UGT3A2: variants seen among roughly 807,000 people sequenced by gnomAD.
UGT3A2 encodes the protein UDP glycosyltransferase family 3 member A2.
Under a neutral mutation model 39.8 loss-of-function variants are expected in UGT3A2, and 32 were observed. That is an observed-to-expected ratio of 0.80 (90% CI 0.61 to 1.08). The LOEUF (loss-of-function observed/expected upper bound fraction) is 1.08. UGT3A2 is among the 50% of genes least tolerant of loss of function. UGT3A2 has a pLI of 0.00. For synonymous variants in UGT3A2, 241 were observed against 230.7 expected (o/e 1.04, Z -0.40); for missense variants, 611 against 637.1 (o/e 0.96, Z 0.44).
In UGT3A2 at chr5:36,035,944, GAC is replaced by G; in HGVS notation, c.1324_1325del (p.Val442HisfsTer18). 6.2e-7 allele frequency: 1 copy of G among 1,613,674 alleles called. No homozygotes were observed. Among genetic ancestry groups the G allele is most frequent in the Non-Finnish European group, 8.5e-7 (1 of 1,179,838 alleles). On this transcript the variant is annotated frameshift_variant, in exon 7 of 7. Transcript: ENST00000282507. LOFTEE classifies it low-confidence loss of function (END_TRUNC). ...GGCTGAGCGGGTGGGAGCGCAGGAT[GAC>G]ACTGGCAGCCACTGCCGCGGACTTG... ...RYKSAAVAASVILRSHPLSPT... is the reference protein window; with the variant it reads ...RYKSAAVAASXILRSHPLSPT...
Position 36,039,635 on chromosome 5 carries a change from G to C in UGT3A2, c.917C>G (p.Thr306Ser). 1 of 1,614,164 alleles carries C rather than the reference G, an allele frequency of 6.2e-7. No individual in the cohort carries two copies. The highest frequency in any genetic ancestry group is 8.5e-7 in the Non-Finnish European group (1 of 1,180,036). The change falls in exon 5 of 7, where the codon ACC becomes AGC. Residue 306 changes from threonine to serine, a missense_variant. By Grantham distance (58) the Thr-to-Ser change is moderately conservative. Transcript: ENST00000282507. ...CTTGAAGATTTCCGGATTCTGACAG[G>C]TGTTCACCATGGAGCCCAAGGTCAC... The part of the protein sequence containing the change: ...VLVTLGSMVN[T>S]CQNPEIFKEM...
chr5:36,066,780 G>C lies in UGT3A2; in HGVS notation c.10C>G (p.Gln4Glu). The C allele has an allele frequency of 1.2e-6, 2 of 1,614,216 alleles. No homozygotes were observed. Among genetic ancestry groups the C allele is most frequent in the Non-Finnish European group, 1.7e-6 (2 of 1,180,028 alleles). Residue 4 changes from glutamine to glutamate, a missense_variant, in exon 1 of 7, where the codon CAG becomes GAG. Coordinates refer to ENST00000282507, the MANE Select transcript of UGT3A2 (RefSeq NM_174914.4). The part of the protein sequence containing the change: MAG[Q>E]RVLLLVGFLL... ...AAGCCCACTAGAAGAAGCACTCGCT[G>C]CCCAGCCATGCTCACTTCTACGGAA... is the stretch of plus-strand genomic sequence containing the variant.
chr5:36,035,785 G>A lies in UGT3A2; in HGVS notation c.1485C>T (p.Leu495=), dbSNP rs1233471518. The A allele has an allele frequency of 1.9e-6, 3 of 1,614,080 alleles. No homozygotes were observed. In the East Asian group the frequency reaches 6.7e-5, roughly 36 times the overall value. ...LLDVFVFLLG[L]TLGTLWLCGK... ...CACAAAGCCATAGAGTCCCCAGAGT[G>A]AGCCCCAGCAGAAACACAAAAACGT... The change falls in exon 7 of 7, where the codon CTC becomes CTT. Residue 495 remains leucine, a synonymous_variant. Transcript: ENST00000282507.
At chr5:36,039,068 C>A (rs911259583) in intron 5 of UGT3A2, among the ~76,000 whole-genome samples, 1 of 152,182 alleles carries the variant, frequency 6.6e-6, no homozygotes, top group Non-Finnish European at 1.5e-5. Context: ...TTGTGTAAGT[C>A]CATGTGGTTG....
intron 2 of UGT3A2, among the ~76,000 whole-genome samples, chr5:36,053,386 T>A (rs1742409214): frequency 6.6e-6 from 1 of 152,224 alleles, no homozygotes. Context: ...AGGCCTTTTT[T>A]ACACTTTAAA....
chr5:36,043,271 C>T (rs1028978537), intron 4 of UGT3A2, among the ~76,000 whole-genome samples: 1 of 151,798 alleles, frequency 6.6e-6, no homozygotes, highest in African/African-American at 2.4e-5. Flanking sequence ...ACAATATGCT[C>T]CTGAATGACC....
chr5:36,039,397 G>T, intron 5 of UGT3A2, 80 bp downstream of exon 5: 2 of 1,380,814 alleles, frequency 1.4e-6, no homozygotes, highest in Non-Finnish European at 2.1e-6. Context: ...GGGTACAAAT[G>T]TCCAGCTAAA....
chr5:36,054,886 G>A (rs1474908317), intron 2 of UGT3A2, among the ~76,000 whole-genome samples: 1 of 152,144 alleles, frequency 6.6e-6, no homozygotes, highest in African/African-American at 2.4e-5. Context: ...TTACAGCTGA[G>A]TGGTTTGTCA....
intron 6 of UGT3A2, among the ~76,000 whole-genome samples, chr5:36,036,593 G>A (rs1211106082): frequency 6.6e-6 from 1 of 152,128 alleles, no homozygotes; most frequent in African/African-American, 2.4e-5. Context: ...GGTCATTTTG[G>A]GTCTAGGTCA....
At position 36,037,959 on chromosome 5, in the gene UGT3A2, G is replaced by A; in HGVS notation, c.1133C>T (p.Ala378Val). 1 of 1,613,970 alleles carries A rather than the reference G, an allele frequency of 6.2e-7. No homozygotes were observed. Among genetic ancestry groups the A allele is most frequent in the East Asian group, 2.2e-5 (1 of 44,880 alleles). The change falls in exon 6 of 7, where the codon GCC becomes GTC. Residue 378 changes from alanine to valine, a missense_variant. Ala to Val is a moderately conservative substitution (Grantham distance 64). Transcript: ENST00000282507. ...THGGQNSIMEAIQHGVPMVGI... is the reference protein window; with the variant it reads ...THGGQNSIMEVIQHGVPMVGI... ...CACCATGGGCACACCATGCTGGATG[G>A]CCTCCATTATGCTATTCTGCCCGCC...
intron 4 of UGT3A2, among the ~76,000 whole-genome samples, chr5:36,043,442 A>C (rs1742073523): frequency 6.6e-6 from 1 of 152,054 alleles, no homozygotes; most frequent in Non-Finnish European, 1.5e-5. Context: ...GACTTCATAT[A>C]AACAACCTAC....
chr5:36,057,705 T>A (rs1301246592), intron 2 of UGT3A2, among the ~76,000 whole-genome samples: 2 of 151,502 alleles, frequency 1.3e-5, no homozygotes, highest in Non-Finnish European at 2.9e-5. Flanking sequence ...CCAGCTAATG[T>A]TTTATTTTTA....
In UGT3A2 at chr5:36,037,979, C is replaced by A. The variant is rs996092106; in HGVS notation, c.1113G>T (p.Gly371=). ...PSIRLFVTHG[G]QNSIMEAIQH... ...GGATGGCCTCCATTATGCTATTCTGCCCGCCGTGGGTGACAAACAGACGGA... is the reference window on the plus strand; with the variant it reads ...GGATGGCCTCCATTATGCTATTCTGACCGCCGTGGGTGACAAACAGACGGA... The change falls in exon 6 of 7, where the codon GGG becomes GGT. Residue 371 remains glycine, a synonymous_variant. Transcript: ENST00000282507. 2 of 1,611,808 alleles carry A rather than the reference C, an allele frequency of 1.2e-6. No individual in the cohort carries two copies. Among genetic ancestry groups the A allele is most frequent in the Non-Finnish European group, 1.7e-6 (2 of 1,179,252 alleles).
At chr5:36,048,765 C>T (rs1742243927) in intron 4 of UGT3A2, 124 bp downstream of exon 4, 5 of 1,371,420 alleles carry the variant, frequency 3.6e-6, no homozygotes, top group East Asian at 4.7e-5. Flanking sequence ...TAAAAGCATG[C>T]CCTAGGTGCC....
chr5:36,062,024 G>T (rs1469301557), intron 2 of UGT3A2, among the ~76,000 whole-genome samples: 1 of 151,662 alleles, frequency 6.6e-6, no homozygotes, highest in Non-Finnish European at 1.5e-5. Context: ...GTGTTTTTTG[G>T]CTGCATAAAT....
chr5:36,053,122 C>T (rs1433621314), intron 2 of UGT3A2, among the ~76,000 whole-genome samples: 4 of 152,216 alleles, frequency 2.6e-5, no homozygotes, highest in African/African-American at 9.6e-5. Flanking sequence ...TCCAGGAGTA[C>T]AGATATAACA....
Position 36,035,738 on chromosome 5 carries a change from A to C in UGT3A2, c.1532T>G (p.Val511Gly). The change falls in exon 7 of 7, where the codon GTC (valine) becomes GGC (glycine). Residue 511 changes from valine (V) to glycine (G), a missense_variant. Coordinates refer to ENST00000282507, the MANE Select transcript of UGT3A2 (RefSeq NM_174914.4). Reference sequence around the variant, plus strand: ...CTTTCTGGCCCCACGCAGCCACCAGACAGCCATGCCCAGCAGCTTCCCACA... The same window carrying C: ...CTTTCTGGCCCCACGCAGCCACCAGCCAGCCATGCCCAGCAGCTTCCCACA... ...WLCGKLLGMA[V>G]WWLRGARKVK... 5.0e-6 allele frequency: 8 copies of C among 1,614,176 alleles called. No individual in the cohort carries two copies. Among genetic ancestry groups the C allele is most frequent in the South Asian group, 1.1e-5 (1 of 91,068 alleles).
At chr5:36,064,958 A>T (rs566853660) in intron 1 of UGT3A2, among the ~76,000 whole-genome samples, 1 of 152,296 alleles carries the variant, frequency 6.6e-6, no homozygotes, top group African/African-American at 2.4e-5. Context: ...ACAATGATCA[A>T]GTTCTAATTA....
intron 2 of UGT3A2, among the ~76,000 whole-genome samples, chr5:36,058,672 G>A (rs1742588637): frequency 6.6e-6 from 1 of 152,136 alleles, no homozygotes; most frequent in Non-Finnish European, 1.5e-5. Context: ...GAAGGGTTGT[G>A]GAAGCTCAGC....
Sources: gnomAD v4.1 joint callset for allele counts (sites outside exome capture counted in the v4.1 genomes callset) on GRCh38, gnomAD v4.1.1 for gene constraint, MANE v1.5 for transcripts, NCBI Gene and HGNC (gene_info 2026-07-23, HGNC 2026-07-21) for gene names.